NR2F1-AS1: variants seen among roughly 807,000 people sequenced by gnomAD.
NR2F1-AS1 encodes the protein NR2F1 antisense RNA 1.
At chr5:93,534,601 T>C (rs1561487573) in intron 4 of NR2F1-AS1, among the ~76,000 whole-genome samples, 1 of 152,202 alleles carries the variant, frequency 6.6e-6, no homozygotes, top group Non-Finnish European at 1.5e-5. Flanking sequence ...TCATTTTCCT[T>C]ACTTAGTGTC....
intron 4 of NR2F1-AS1, among the ~76,000 whole-genome samples, chr5:93,530,429 C>A (rs942215226): frequency 2.6e-5 from 4 of 152,208 alleles, no homozygotes; most frequent in Non-Finnish European, 5.9e-5. Context: ...ACCAGTAATA[C>A]GAATCTCTGG....
intron 4 of NR2F1-AS1, among the ~76,000 whole-genome samples, chr5:93,417,981 A>G (rs760018783): frequency 6.6e-6 from 1 of 152,206 alleles, no homozygotes; most frequent in Non-Finnish European, 1.5e-5. Flanking sequence ...GTCAAGTTGC[A>G]TCATGCTTTT....
intron 4 of NR2F1-AS1, chr5:93,410,601 T>C (rs925526500): frequency 3.3e-5 from 5 of 152,144 alleles, no homozygotes; most frequent in African/African-American, 1.2e-4. Context: ...TGATCTGAGG[T>C]GGAACAGTTC....
intron 4 of NR2F1-AS1, among the ~76,000 whole-genome samples, chr5:93,486,279 A>C (rs969761365): frequency 1.3e-5 from 2 of 151,632 alleles, no homozygotes; most frequent in Non-Finnish European, 2.9e-5. Flanking sequence ...TAAATTAATT[A>C]ATTTTTTTAA....
intron 4 of NR2F1-AS1, among the ~76,000 whole-genome samples, chr5:93,490,284 C>G (rs1157465266): frequency 2.6e-5 from 4 of 152,208 alleles, no homozygotes; most frequent in African/African-American, 9.7e-5. Context: ...TAGACAGACT[C>G]ATAGTTTTCA....
intron 4 of NR2F1-AS1, among the ~76,000 whole-genome samples, chr5:93,548,633 T>G (rs1208305150): frequency 1.3e-5 from 2 of 151,474 alleles, no homozygotes; most frequent in Non-Finnish European, 2.9e-5. Flanking sequence ...GAGGCCAAGG[T>G]GGGTGGATCA....
intron 4 of NR2F1-AS1, among the ~76,000 whole-genome samples, chr5:93,459,560 A>G (rs1409235051): frequency 6.6e-6 from 1 of 152,214 alleles, no homozygotes; most frequent in Non-Finnish European, 1.5e-5. Context: ...ATACCTCAGT[A>G]AAGCTGAGTT....
At chr5:93,476,345 C>CCATCAATTTA (rs1189498905) in intron 4 of NR2F1-AS1, among the ~76,000 whole-genome samples, 3 of 152,002 alleles carry the variant, frequency 2.0e-5, no homozygotes, top group Non-Finnish European at 4.4e-5. Context: ...TAATGTTATC[C>CCATCAATTTA]ATATGGGCTT....
chr5:93,521,800 T>C (rs1484004302), intron 4 of NR2F1-AS1, among the ~76,000 whole-genome samples: 1 of 152,210 alleles, frequency 6.6e-6, no homozygotes, highest in Admixed American at 6.5e-5. Flanking sequence ...GAATGCAGTA[T>C]GGCGATTCCT....
chr5:93,581,245 G>A (rs1753022124), upstream of NR2F1-AS1: 1 of 152,626 alleles, frequency 6.6e-6, no homozygotes, highest in South Asian at 1.9e-4. Context: ...CGCGAGTCGA[G>A]GGGCGGGCGG....
At chr5:93,530,361 C>A (rs1257251638) in intron 4 of NR2F1-AS1, among the ~76,000 whole-genome samples, 2 of 152,198 alleles carry the variant, frequency 1.3e-5, no homozygotes, top group East Asian at 3.9e-4. Flanking sequence ...GGATTGCAGG[C>A]GATTTGAAGG....
In NR2F1-AS1 at chr5:93,561,465, A is replaced by AT. The variant is rs959811566; in HGVS notation, n.413+1898dup. ...TGTATGGTCAAGACCAAACATAGGT[A>AT]TTTTTTTTTAATATTTATGAAAACA... On this transcript the variant is annotated intron_variant and non_coding_transcript_variant, in intron 2 of 5. Coordinates refer to ENST00000660523, the Ensembl canonical transcript of NR2F1-AS1. Among the ~76,000 whole-genome samples the AT allele has an allele frequency of 1.7e-4, 26 of 151,340 alleles. 1 individual carries two copies. The highest frequency in any genetic ancestry group is 3.6e-4 in the African/African-American group (15 of 41,298).
At chr5:93,559,397 C>A (rs1212043701) in intron 2 of NR2F1-AS1, among the ~76,000 whole-genome samples, 1 of 152,170 alleles carries the variant, frequency 6.6e-6, no homozygotes, top group Non-Finnish European at 1.5e-5. Flanking sequence ...TGATCTTCTA[C>A]CCAGACCACT....
At chr5:93,543,299 AT>A (rs1233475237) in intron 4 of NR2F1-AS1, 1 of 152,258 alleles carries the variant, frequency 6.6e-6, no homozygotes, top group Non-Finnish European at 1.5e-5. Flanking sequence ...GACTTCAGAT[AT>A]TAGAATTATC....
At chr5:93,537,081 A>G (rs1751855202) in intron 4 of NR2F1-AS1, among the ~76,000 whole-genome samples, 1 of 152,196 alleles carries the variant, frequency 6.6e-6, no homozygotes, top group Non-Finnish European at 1.5e-5. Context: ...TATTTCATCA[A>G]TTGCCCAGTC....
chr5:93,524,445 C>T (rs533898808), intron 4 of NR2F1-AS1, among the ~76,000 whole-genome samples: 19 of 152,250 alleles, frequency 1.2e-4, no homozygotes, highest in Admixed American at 3.9e-4. Context: ...AGGATATTAT[C>T]CAGGAGAACT....
chr5:93,489,431 A>G (rs73133254), intron 4 of NR2F1-AS1, among the ~76,000 whole-genome samples: 1 of 151,486 alleles, frequency 6.6e-6, no homozygotes, highest in African/African-American at 2.4e-5. Context: ...ATATATATAT[A>G]TTTTTAGGCA....
At chr5:93,450,549 G>C (rs758518172) in intron 4 of NR2F1-AS1, among the ~76,000 whole-genome samples, 1 of 152,078 alleles carries the variant, frequency 6.6e-6, no homozygotes, top group African/African-American at 2.4e-5. Flanking sequence ...GCCAGATATA[G>C]CTACAATGTA....
upstream of NR2F1-AS1, among the ~76,000 whole-genome samples, chr5:93,581,875 CCTCT>C (rs146238025): frequency 4.7e-5 from 3 of 64,194 alleles, no homozygotes; most frequent in African/African-American, 2.2e-4. Flanking sequence ...TCTCCTCTCT[CCTCT>C]CTCTCTCGGT....
Sources: gnomAD v4.1 joint callset for allele counts (sites outside exome capture counted in the v4.1 genomes callset) on GRCh38, gnomAD v4.1.1 for gene constraint, MANE v1.5 for transcripts, NCBI Gene and HGNC (gene_info 2026-07-23, HGNC 2026-07-21) for gene names.